PTPRT: variants seen among roughly 807,000 people sequenced by gnomAD.
PTPRT encodes protein tyrosine phosphatase receptor type T.
PTPRT carries 56 observed loss-of-function variants against 176.8 expected under a neutral mutation model. The observed-to-expected ratio is 0.32, with a 90% CI of 0.26 to 0.40. PTPRT has a LOEUF of 0.40. PTPRT is among the 10% of genes least tolerant of loss of function. PTPRT has a pLI of 1.00. For synonymous variants in PTPRT, 783 were observed against 739.0 expected (o/e 1.06, Z -0.96); for missense variants, 1,540 against 1,908.2 (o/e 0.81, Z 3.60).
chr20:42,248,810 T>C lies in PTPRT; in HGVS notation c.2189A>G (p.Gln730Arg), dbSNP rs751715289. The change falls in exon 14 of 31, where the codon CAG (glutamine) becomes CGG (arginine). Residue 730 changes from glutamine to arginine, a missense_variant. Coordinates refer to ENST00000373187, the MANE Select transcript of PTPRT (RefSeq NM_007050.6). The part of the protein sequence containing the change: ...VRLATKGAST[Q>R]NSNTVEPEKQ... ...CTCTGGCTCCACAGTGTTAGAATTCTGGGTGGAGGCACCTAGGAAGGGAAA... is the reference window on the plus strand; with the variant it reads ...CTCTGGCTCCACAGTGTTAGAATTCCGGGTGGAGGCACCTAGGAAGGGAAA... 1.2e-6 allele frequency: 2 copies of C among 1,613,972 alleles called. No homozygotes were observed. The highest frequency in any genetic ancestry group is 1.3e-5 in the African/African-American group (1 of 75,066).
intron 9 of PTPRT, among the ~76,000 whole-genome samples, chr20:42,411,461 G>A (rs1342836805): frequency 3.5e-5 from 5 of 142,104 alleles, no homozygotes; most frequent in Middle Eastern, 4.0e-3. Context: ...AGGTTGTAGT[G>A]AGCCGAGATC....
At chr20:42,449,812 C>T (rs1368717661) in intron 8 of PTPRT, among the ~76,000 whole-genome samples, 2 of 152,014 alleles carry the variant, frequency 1.3e-5, no homozygotes, top group Non-Finnish European at 2.9e-5. Context: ...ACATGCTATA[C>T]AGAATTTGTT....
At chr20:42,625,860 G>T (rs2074279578) in intron 7 of PTPRT, among the ~76,000 whole-genome samples, 1 of 151,750 alleles carries the variant, frequency 6.6e-6, no homozygotes, top group Non-Finnish European at 1.5e-5. Flanking sequence ...TACCTTGAGT[G>T]CTTGTTCACA....
chr20:42,880,740 G>C (rs2079000659), intron 2 of PTPRT, among the ~76,000 whole-genome samples: 2 of 152,216 alleles, frequency 1.3e-5, no homozygotes, highest in South Asian at 2.1e-4. Context: ...CTGCTCCTCT[G>C]TGACAGCCTC....
At chr20:42,717,127 G>A (rs192800578) in intron 6 of PTPRT, among the ~76,000 whole-genome samples, 18 of 151,846 alleles carry the variant, frequency 1.2e-4, no homozygotes, top group Non-Finnish European at 4.4e-5. Context: ...CATGGCACAT[G>A]TATACATATG....
chr20:42,380,050 G>A (rs1011905872), intron 9 of PTPRT, among the ~76,000 whole-genome samples: 3 of 152,128 alleles, frequency 2.0e-5, no homozygotes, highest in Admixed American at 1.3e-4. Flanking sequence ...AGTCAATCCT[G>A]CCCAAGGCCT....
At chr20:42,905,304 A>C (rs2145923387) in intron 1 of PTPRT, among the ~76,000 whole-genome samples, 1 of 152,382 alleles carries the variant, frequency 6.6e-6, no homozygotes, top group Admixed American at 6.5e-5. Flanking sequence ...CAGCCAACAG[A>C]CACATGAAAA....
At chr20:42,852,331 T>C (rs553496490) in intron 2 of PTPRT, among the ~76,000 whole-genome samples, 55 of 152,318 alleles carry the variant, frequency 3.6e-4, no homozygotes, top group Admixed American at 9.2e-4. Flanking sequence ...AAAGTTTTCA[T>C]GTTGTTCCTG....
intron 1 of PTPRT, among the ~76,000 whole-genome samples, chr20:43,122,549 T>C (rs1359379582): frequency 6.6e-6 from 1 of 152,172 alleles, no homozygotes; most frequent in Non-Finnish European, 1.5e-5. Context: ...TGGGGGCAGA[T>C]CCCTTATGTA....
chr20:42,874,567 T>G (rs1037311183), intron 2 of PTPRT, among the ~76,000 whole-genome samples: 14 of 152,226 alleles, frequency 9.2e-5, no homozygotes, highest in African/African-American at 3.1e-4. Context: ...AAATCACGTT[T>G]CATAAAATAT....
At chr20:42,733,752 C>T (rs1402190673) in intron 6 of PTPRT, among the ~76,000 whole-genome samples, 1 of 152,248 alleles carries the variant, frequency 6.6e-6, no homozygotes, top group East Asian at 1.9e-4. Flanking sequence ...TATCAACATA[C>T]ACATCTTCAC....
intron 13 of PTPRT, among the ~76,000 whole-genome samples, chr20:42,273,247 C>T (rs1029608515): frequency 5.9e-5 from 9 of 152,136 alleles, no homozygotes; most frequent in African/African-American, 1.7e-4. Context: ...TGGAGTTTCA[C>T]TCTTGTTGCC....
chr20:42,570,551 T>C (rs1208221378), intron 7 of PTPRT, among the ~76,000 whole-genome samples: 3 of 152,226 alleles, frequency 2.0e-5, no homozygotes, highest in Non-Finnish European at 1.5e-5. Flanking sequence ...CATTTACTCC[T>C]ACATTTAGAT....
At chr20:42,097,169 G>A (rs3091875) in intron 27 of PTPRT, among the ~76,000 whole-genome samples, 103,837 of 152,020 alleles carry the variant, frequency 0.68, 36,188 homozygotes, top group African/African-American at 0.82. Context: ...TTACAAAGTA[G>A]AAGTCTGAAG....
At chr20:42,246,116 T>G (rs952542171) in intron 14 of PTPRT, among the ~76,000 whole-genome samples, 1 of 152,104 alleles carries the variant, frequency 6.6e-6, no homozygotes, top group Non-Finnish European at 1.5e-5. Context: ...AGTAAGTTGG[T>G]AGCAGACTCA....
chr20:42,624,846 A>C (rs571213264), intron 7 of PTPRT, among the ~76,000 whole-genome samples: 1 of 152,128 alleles, frequency 6.6e-6, no homozygotes, highest in Non-Finnish European at 1.5e-5. Context: ...ACAATGGCAA[A>C]ATGCAAACAA....
intron 1 of PTPRT, among the ~76,000 whole-genome samples, chr20:42,890,071 A>G (rs1192868855): frequency 1.3e-5 from 2 of 152,286 alleles, no homozygotes; most frequent in Non-Finnish European, 2.9e-5. Context: ...CATATCCCAT[A>G]ATGAAACAAC....
chr20:42,800,370 A>G lies in PTPRT; in HGVS notation c.215-8904T>C, dbSNP rs2077513139. Among the ~76,000 whole-genome samples the G allele has an allele frequency of 2.6e-5, 4 of 152,116 alleles. No individual in the cohort carries two copies. In the South Asian group the frequency reaches 8.3e-4, roughly 32 times the overall value. On this transcript the variant is annotated intron_variant, in intron 2 of 30. Transcript: ENST00000373187. ...GCGCTGGGGAGCTGGTTCATGCAGG[A>G]AGAGGGGTAAAGAATGGAAAGAACG...
intron 1 of PTPRT, among the ~76,000 whole-genome samples, chr20:42,979,225 C>T (rs572279725): frequency 1.3e-5 from 2 of 152,144 alleles, no homozygotes; most frequent in South Asian, 4.2e-4. Flanking sequence ...AAAAACAACT[C>T]ATTTTTCTGT....
Sources: allele counts gnomAD v4.1 joint callset (sites outside exome capture counted in the v4.1 genomes callset), GRCh38; gene constraint gnomAD v4.1.1; transcripts MANE v1.5; gene names NCBI Gene and HGNC (gene_info 2026-07-23, HGNC 2026-07-21).